ZNF385D: variants seen among roughly 807,000 people sequenced by gnomAD.
ZNF385D encodes the protein zinc finger protein 659.
Under a neutral mutation model 35.8 loss-of-function variants are expected in ZNF385D, and 15 were observed. That is an observed-to-expected ratio of 0.42 (90% CI 0.28 to 0.64). ZNF385D has a LOEUF of 0.64. ZNF385D is among the 30% of genes least tolerant of loss of function. The pLI is 0.23. For missense variants in ZNF385D, 474 were observed against 494.6 expected (o/e 0.96, Z 0.39); for synonymous variants, 212 against 186.8 (o/e 1.13, Z -1.10).
chr3:22,309,430 T>G (rs763585027), intron 2 of ZNF385D, among the ~76,000 whole-genome samples: 2 of 152,100 alleles, frequency 1.3e-5, no homozygotes, highest in Non-Finnish European at 1.5e-5. Flanking sequence ...TTGTCCCAGT[T>G]TCTCACTTCT....
At chr3:21,827,451 G>A (rs180800243) in intron 3 of ZNF385D, among the ~76,000 whole-genome samples, 33 of 152,148 alleles carry the variant, frequency 2.2e-4, no homozygotes, top group Admixed American at 6.5e-4. Context: ...AATACTTATC[G>A]AGACATCAAT....
At chr3:21,868,723 AG>A (rs1402414273) in intron 3 of ZNF385D, among the ~76,000 whole-genome samples, 2 of 152,162 alleles carry the variant, frequency 1.3e-5, no homozygotes, top group East Asian at 3.9e-4. Context: ...TATGTAAATT[AG>A]ATAGAAAGTA....
At chr3:21,902,941 T>G (rs948752065) in intron 3 of ZNF385D, among the ~76,000 whole-genome samples, 3 of 152,178 alleles carry the variant, frequency 2.0e-5, no homozygotes, top group Admixed American at 6.6e-5. Flanking sequence ...TGGTCTTTGT[T>G]CTTTATCTAA....
intron 2 of ZNF385D, among the ~76,000 whole-genome samples, chr3:22,324,327 C>T (rs1694577430): frequency 6.6e-6 from 1 of 152,026 alleles, no homozygotes; most frequent in African/African-American, 2.4e-5. Context: ...AGAACAACAA[C>T]ACACAATATT....
At chr3:21,757,134 T>TTTTTTTTTTTTTTTTG (rs1553654008) in intron 3 of ZNF385D, among the ~76,000 whole-genome samples, 7 of 128,228 alleles carry the variant, frequency 5.5e-5, no homozygotes, top group African/African-American at 8.8e-5. Flanking sequence ...TTTTTTTTTT[T>TTTTTTTTTTTTTTTTG]TTTTTGTTTT....
At chr3:21,490,712 T>C (rs995194976) in intron 4 of ZNF385D, among the ~76,000 whole-genome samples, 4 of 151,824 alleles carry the variant, frequency 2.6e-5, no homozygotes, top group Non-Finnish European at 5.9e-5. Flanking sequence ...ATTGTCAAAT[T>C]TGAGTCTCTG....
At chr3:22,143,059 T>TTTTGTGTGTGTGTG (rs1421491512) in intron 3 of ZNF385D, among the ~76,000 whole-genome samples, 7 of 140,916 alleles carry the variant, frequency 5.0e-5, no homozygotes, top group African/African-American at 1.6e-4. Flanking sequence ...ATTAAATCGG[T>TTTTGTGTGTGTGTG]TGTGTGTGTG....
At chr3:21,700,576 G>A (rs750919069) in intron 1 of ZNF385D, among the ~76,000 whole-genome samples, 15 of 152,096 alleles carry the variant, frequency 9.9e-5, no homozygotes, top group Non-Finnish European at 1.9e-4. Context: ...GTACACTCTG[G>A]CTCTGACAAG....
chr3:22,028,792 T>C (rs1325391074), intron 3 of ZNF385D, among the ~76,000 whole-genome samples: 1 of 152,190 alleles, frequency 6.6e-6, no homozygotes, highest in African/African-American at 2.4e-5. Context: ...ATGTTCCCCA[T>C]CATCTTGAAG....
intron 3 of ZNF385D, 128 bp from the exon 4 acceptor site, chr3:21,511,151 A>G: frequency 2.7e-6 from 3 of 1,124,452 alleles, no homozygotes; most frequent in East Asian, 2.6e-5. Context: ...CCGTGGCCAG[A>G]CAGTGGGGTT....
At chr3:22,114,945 A>G (rs13326591) in intron 3 of ZNF385D, among the ~76,000 whole-genome samples, 1 of 151,872 alleles carries the variant, frequency 6.6e-6, no homozygotes, top group East Asian at 2.0e-4. Context: ...AAGGGCCTCA[A>G]CAGACACTAA....
chr3:21,536,523 A>C (rs1013715797), intron 3 of ZNF385D, among the ~76,000 whole-genome samples: 2 of 152,076 alleles, frequency 1.3e-5, no homozygotes, highest in African/African-American at 4.8e-5. Flanking sequence ...GAAGGCTTGG[A>C]TGTATATAAC....
intron 1 of ZNF385D, among the ~76,000 whole-genome samples, chr3:21,668,335 C>A (rs147813206): frequency 6.6e-6 from 1 of 152,290 alleles, no homozygotes; most frequent in East Asian, 1.9e-4. Context: ...CTCTGAAGCT[C>A]TATTTTACCT....
At chr3:22,180,056 G>T (rs185147250) in intron 2 of ZNF385D, among the ~76,000 whole-genome samples, 1 of 151,948 alleles carries the variant, frequency 6.6e-6, no homozygotes, top group East Asian at 1.9e-4. Flanking sequence ...TAATAAAGAA[G>T]AAAAGAGAGA....
intron 1 of ZNF385D, among the ~76,000 whole-genome samples, chr3:21,750,692 A>C (rs752086420): frequency 1.0e-4 from 15 of 149,874 alleles, no homozygotes; most frequent in Non-Finnish European, 2.1e-4. Context: ...TTTCCAACTT[A>C]AACTCATCCA....
chr3:22,173,046 A>G (rs1694571931), intron 2 of ZNF385D, among the ~76,000 whole-genome samples: 1 of 152,246 alleles, frequency 6.6e-6, no homozygotes, highest in Non-Finnish European at 1.5e-5. Flanking sequence ...AATCCTTAAT[A>G]TGACGTGCTA....
chr3:22,025,283 T>G (rs1015213318), intron 3 of ZNF385D, among the ~76,000 whole-genome samples: 7 of 152,126 alleles, frequency 4.6e-5, no homozygotes, highest in African/African-American at 1.4e-4. Flanking sequence ...CCTGAGGCAG[T>G]TGCCAGGAAA....
chr3:22,091,650 A>C (rs1435234267), intron 3 of ZNF385D, among the ~76,000 whole-genome samples: 1 of 152,092 alleles, frequency 6.6e-6, no homozygotes, highest in Non-Finnish European at 1.5e-5. Context: ...ACAGCTTCTC[A>C]CCTATTTCCT....
At chr3:22,080,907 A>G (rs1268672913) in intron 3 of ZNF385D, among the ~76,000 whole-genome samples, 1 of 152,084 alleles carries the variant, frequency 6.6e-6, no homozygotes, top group Admixed American at 6.6e-5. Flanking sequence ...CCAGACACTG[A>G]CCCTGCTGCT....
Sources: gnomAD v4.1 joint callset for allele counts (sites outside exome capture counted in the v4.1 genomes callset) on GRCh38, gnomAD v4.1.1 for gene constraint, MANE v1.5 for transcripts, NCBI Gene and HGNC (gene_info 2026-07-23, HGNC 2026-07-21) for gene names.